The following MAPK4 variants were observed in gnomAD, a reference collection of about 807,000 sequenced individuals.
MAPK4 encodes Erk3-related.
A neutral mutation model predicts 47.7 loss-of-function variants in MAPK4; 22 were observed. The ratio of observed to expected loss-of-function variants is 0.46; its 90% CI spans 0.33 to 0.66. The LOEUF (loss-of-function observed/expected upper bound fraction) is 0.66. Ranked by LOEUF, MAPK4 falls within the 30% of genes least tolerant of loss-of-function variation. The pLI is 0.02. For missense variants in MAPK4, 736 were observed against 831.7 expected (o/e 0.88, Z 1.42); for synonymous variants, 390 against 365.7 (o/e 1.07, Z -0.76).
At chr18:50,626,257 C>T (rs549344519) in intron 1 of MAPK4, among the ~76,000 whole-genome samples, 57 of 152,180 alleles carry the variant, frequency 3.7e-4, no homozygotes, top group Admixed American at 9.8e-4. Context: ...ATCTGGGCAC[C>T]GTGGTCAACC....
intron 1 of MAPK4, among the ~76,000 whole-genome samples, chr18:50,595,182 C>T (rs1246770958): frequency 6.6e-6 from 1 of 152,118 alleles, no homozygotes; most frequent in Non-Finnish European, 1.5e-5. Flanking sequence ...CCCTATGACC[C>T]AACCAATTTA....
intron 1 of MAPK4, among the ~76,000 whole-genome samples, chr18:50,595,995 A>C (rs987501968): frequency 2.6e-5 from 4 of 152,154 alleles, no homozygotes; most frequent in Non-Finnish European, 4.4e-5. Context: ...GCCTTGAAGG[A>C]ATGAATAGAA....
chr18:50,674,527 G>A (rs1908151611), intron 2 of MAPK4, among the ~76,000 whole-genome samples: 1 of 152,156 alleles, frequency 6.6e-6, no homozygotes, highest in South Asian at 2.1e-4. Context: ...ACTCCCTCGT[G>A]TTGTAACTGA....
chr18:50,614,106 A>G (rs2042663144), intron 1 of MAPK4, among the ~76,000 whole-genome samples: 1 of 152,194 alleles, frequency 6.6e-6, no homozygotes, highest in Admixed American at 6.5e-5. Flanking sequence ...CCTGTTGGGT[A>G]TTCTGCTAAT....
chr18:50,606,036 C>G (rs2042580453), intron 1 of MAPK4, among the ~76,000 whole-genome samples: 1 of 129,766 alleles, frequency 7.7e-6, no homozygotes. Context: ...TTACATTTCT[C>G]ATGGAGTCAA....
At chr18:50,726,265 T>A in intron 5 of MAPK4, 90 bp downstream of exon 5, 2 of 1,272,154 alleles carry the variant, frequency 1.6e-6, no homozygotes, top group Non-Finnish European at 2.2e-6. Context: ...CCCCTCTGTC[T>A]CCCAAGTTGC....
intron 1 of MAPK4, among the ~76,000 whole-genome samples, chr18:50,615,574 G>A (rs771600009): frequency 2.6e-5 from 4 of 152,180 alleles, no homozygotes; most frequent in Non-Finnish European, 5.9e-5. Context: ...CACACATCCC[G>A]CTGGTCATAA....
rs148600103 is a variant in MAPK4, at chr18:50,731,184, G to A, written c.*1330G>A. On this transcript the variant is annotated 3_prime_UTR_variant, in exon 6 of 6. Transcript: ENST00000400384. ...ACTCAAAGCAGCAATGCCCCTCATA[G>A]TGTAGGCTAAGGTGAGTTTGGTGCA... is the stretch of plus-strand genomic sequence containing the variant. 2.0e-5 allele frequency: 3 copies of A among 152,550 alleles called. No homozygotes were observed. The highest frequency in any genetic ancestry group is 3.9e-4 in the East Asian group (2 of 5,182). The allele number at this position is 152,550 out of a possible 1,614,324, so 9.4% of individuals were successfully genotyped here.
At chr18:50,566,816 C>A (rs2042202694) in intron 1 of MAPK4, among the ~76,000 whole-genome samples, 1 of 152,068 alleles carries the variant, frequency 6.6e-6, no homozygotes, top group Non-Finnish European at 1.5e-5. Flanking sequence ...AATATATATT[C>A]ATTATGGAAA....
chr18:50,563,408 A>G (rs1466092332), intron 1 of MAPK4, among the ~76,000 whole-genome samples: 1 of 152,174 alleles, frequency 6.6e-6, no homozygotes, highest in Admixed American at 6.5e-5. Context: ...CACTCAACAC[A>G]CGAGTGCTGC....
intron 1 of MAPK4, among the ~76,000 whole-genome samples, chr18:50,582,895 C>T (rs1330212714): frequency 6.6e-6 from 1 of 152,222 alleles, no homozygotes; most frequent in Non-Finnish European, 1.5e-5. Context: ...TCAGAAAGTC[C>T]CAAGGTCTGA....
At chr18:50,695,582 G>T (rs765846899) in intron 2 of MAPK4, among the ~76,000 whole-genome samples, 26 of 152,256 alleles carry the variant, frequency 1.7e-4, no homozygotes, top group Non-Finnish European at 3.2e-4. Flanking sequence ...AAGAGGGAGG[G>T]AGGAGGAGGC....
At position 50,616,884 on chromosome 18, in the gene MAPK4, G is replaced by A. The variant is rs150926335; in HGVS notation, c.-870-46205G>A. Among the ~76,000 whole-genome samples the A allele has an allele frequency of 4.2e-4, 64 of 152,224 alleles. No individual in the cohort carries two copies. In the East Asian group the frequency reaches 6.7e-3, roughly 16 times the overall value. On this transcript the variant is annotated intron_variant, in intron 1 of 5. Coordinates refer to ENST00000400384, the MANE Select transcript of MAPK4 (RefSeq NM_002747.4). Reference sequence around the variant, plus strand: ...GTTCCCTGACTCAAATGTTAATCTCGTCTGGCAACACCCTCATAGACATAC... The same window carrying A: ...GTTCCCTGACTCAAATGTTAATCTCATCTGGCAACACCCTCATAGACATAC...
At chr18:50,683,779 C>T (rs1908716767) in intron 2 of MAPK4, among the ~76,000 whole-genome samples, 1 of 152,122 alleles carries the variant, frequency 6.6e-6, no homozygotes, top group African/African-American at 2.4e-5. Flanking sequence ...TCCTCCCTCC[C>T]AGAGCTGCAG....
chr18:50,632,622 T>A (rs2144157714), intron 1 of MAPK4, among the ~76,000 whole-genome samples: 1 of 149,160 alleles, frequency 6.7e-6, no homozygotes, highest in African/African-American at 2.5e-5. Context: ...TTTAATTTTT[T>A]TTTTTTTTTT....
chr18:50,655,049 C>T (rs1305344892), intron 1 of MAPK4, among the ~76,000 whole-genome samples: 1 of 152,248 alleles, frequency 6.6e-6, no homozygotes, highest in African/African-American at 2.4e-5. Context: ...AACCACCCCA[C>T]CTCAGGGAGG....
chr18:50,725,367 C>G (rs966589971), intron 4 of MAPK4, among the ~76,000 whole-genome samples: 4 of 152,356 alleles, frequency 2.6e-5, no homozygotes, highest in Admixed American at 2.6e-4. Flanking sequence ...GCAGCATTCC[C>G]CTTTCTCACT....
chr18:50,697,852 T>C (rs1280989096), intron 2 of MAPK4, among the ~76,000 whole-genome samples: 1 of 152,206 alleles, frequency 6.6e-6, no homozygotes, highest in East Asian at 1.9e-4. Flanking sequence ...AGCTGCTCCT[T>C]AGGGCCTGTG....
intron 2 of MAPK4, among the ~76,000 whole-genome samples, chr18:50,671,869 C>G (rs1907974457): frequency 6.8e-6 from 1 of 147,612 alleles, no homozygotes; most frequent in Admixed American, 6.8e-5. Context: ...CAGCCTGGGC[C>G]ACAGAGTGAG....
Sources: allele counts gnomAD v4.1 joint callset (sites outside exome capture counted in the v4.1 genomes callset), GRCh38; gene constraint gnomAD v4.1.1; transcripts MANE v1.5; gene names NCBI Gene and HGNC (gene_info 2026-07-23, HGNC 2026-07-21).